KCNH7: variants seen among roughly 807,000 people sequenced by gnomAD.
The protein encoded by KCNH7 is potassium voltage-gated channel subfamily H member 7.
KCNH7 carries 49 observed loss-of-function variants against 120.8 expected under a neutral mutation model. That is an observed-to-expected ratio of 0.41 (90% CI 0.32 to 0.51). KCNH7 has a LOEUF of 0.51. KCNH7 is among the 20% of genes least tolerant of loss of function. The pLI, the probability that KCNH7 is intolerant of heterozygous loss-of-function variation, is 0.38. For synonymous variants in KCNH7, 547 were observed against 516.1 expected (o/e 1.06, Z -0.81); for missense variants, 1,097 against 1,446.6 (o/e 0.76, Z 3.92).
chr2:162,485,003 C>A (rs1690048828), intron 6 of KCNH7, among the ~76,000 whole-genome samples: 1 of 152,078 alleles, frequency 6.6e-6, no homozygotes, highest in Non-Finnish European at 1.5e-5. Flanking sequence ...TCCTTTAGAG[C>A]CACACGAAAC....
chr2:162,695,150 G>T (rs1574276095), intron 2 of KCNH7, among the ~76,000 whole-genome samples: 1 of 152,134 alleles, frequency 6.6e-6, no homozygotes, highest in East Asian at 1.9e-4. Flanking sequence ...ATTTTGCAGT[G>T]GTTTTTGGAT....
At chr2:162,603,731 CT>C (rs144717697) in intron 2 of KCNH7, among the ~76,000 whole-genome samples, 121 of 151,484 alleles carry the variant, frequency 8.0e-4, no homozygotes, top group African/African-American at 2.8e-3. Flanking sequence ...CTTTAAACTA[CT>C]TTTTTTTTCC....
At chr2:162,396,096 C>G (rs934237017) in intron 11 of KCNH7, among the ~76,000 whole-genome samples, 14 of 151,692 alleles carry the variant, frequency 9.2e-5, no homozygotes, top group Non-Finnish European at 2.1e-4. Flanking sequence ...CATAAGGGCA[C>G]ATTTTCACAG....
intron 2 of KCNH7, among the ~76,000 whole-genome samples, chr2:162,833,279 C>T (rs1685542310): frequency 9.3e-6 from 1 of 107,400 alleles, no homozygotes; most frequent in Admixed American, 9.4e-5. Context: ...TGGGGGCTAA[C>T]TAAAATATTT....
intron 2 of KCNH7, among the ~76,000 whole-genome samples, chr2:162,557,427 A>G (rs1002178593): frequency 7.2e-5 from 11 of 152,138 alleles, no homozygotes; most frequent in Non-Finnish European, 1.6e-4. Context: ...TCCATATTCT[A>G]TTGGTCAATG....
At chr2:162,788,995 A>G (rs900089885) in intron 2 of KCNH7, among the ~76,000 whole-genome samples, 2 of 150,524 alleles carry the variant, frequency 1.3e-5, no homozygotes, top group African/African-American at 4.9e-5. Flanking sequence ...GGTTAAAAAA[A>G]AAAAAAAAAA....
intron 2 of KCNH7, among the ~76,000 whole-genome samples, chr2:162,671,988 A>C (rs1018150815): frequency 1.3e-5 from 2 of 152,074 alleles, no homozygotes; most frequent in Non-Finnish European, 2.9e-5. Context: ...AATTTACTGA[A>C]GTATAACGAA....
chr2:162,406,758 CTT>C (rs1487001763), intron 9 of KCNH7, among the ~76,000 whole-genome samples: 1 of 151,900 alleles, frequency 6.6e-6, no homozygotes, highest in African/African-American at 2.4e-5. Flanking sequence ...TCTAAAAAAT[CTT>C]TAGCACTTGT....
At chr2:162,663,919 C>T (rs1685051593) in intron 2 of KCNH7, among the ~76,000 whole-genome samples, 1 of 152,132 alleles carries the variant, frequency 6.6e-6, no homozygotes, top group Non-Finnish European at 1.5e-5. Flanking sequence ...CTGCAGAAAC[C>T]ATGACAAATC....
intron 9 of KCNH7, among the ~76,000 whole-genome samples, chr2:162,419,885 A>G (rs1687649625): frequency 6.6e-6 from 1 of 152,160 alleles, no homozygotes; most frequent in Non-Finnish European, 1.5e-5. Context: ...GTAACCTCAG[A>G]AAGTTTCAGA....
At chr2:162,386,644 G>A (rs1197489741) in intron 12 of KCNH7, among the ~76,000 whole-genome samples, 2 of 151,800 alleles carry the variant, frequency 1.3e-5, no homozygotes, top group African/African-American at 4.8e-5. Flanking sequence ...TTTTCCAGCA[G>A]CATCAAATGC....
At position 162,777,551 on chromosome 2, in the gene KCNH7, C is replaced by A. The variant is rs540860863; in HGVS notation, c.307+58986G>T. 4.3e-4 allele frequency among the ~76,000 whole-genome samples: 66 copies of A among 152,184 alleles called. No individual in the cohort carries two copies. In the South Asian group the frequency reaches 0.014, roughly 32 times the overall value. ...AGAGTAAATATTGAAGTTGAGGAGA[C>A]GAATATATGTTGAGCATCTCCTATA... is the stretch of plus-strand genomic sequence containing the variant. On this transcript the variant is annotated intron_variant, in intron 2 of 15. Transcript: ENST00000332142.
intron 2 of KCNH7, among the ~76,000 whole-genome samples, chr2:162,588,613 GAC>G (rs1294625665): frequency 6.6e-6 from 1 of 151,916 alleles, no homozygotes; most frequent in African/African-American, 2.4e-5. Flanking sequence ...TATTTTTAAT[GAC>G]ACATAATTGT....
chr2:162,730,113 A>G (rs1687675335), intron 2 of KCNH7, among the ~76,000 whole-genome samples: 2 of 151,906 alleles, frequency 1.3e-5, no homozygotes, highest in Non-Finnish European at 2.9e-5. Context: ...ACATTATATT[A>G]GACATGGCCA....
intron 2 of KCNH7, among the ~76,000 whole-genome samples, chr2:162,730,665 A>G (rs1177017644): frequency 1.3e-5 from 2 of 152,036 alleles, no homozygotes; most frequent in East Asian, 1.9e-4. Flanking sequence ...GTTTTTACCA[A>G]TCTTACATAA....
chr2:162,779,838 T>C (rs1683408814), intron 2 of KCNH7, among the ~76,000 whole-genome samples: 1 of 152,184 alleles, frequency 6.6e-6, no homozygotes, highest in Non-Finnish European at 1.5e-5. Flanking sequence ...ATTATCTCAC[T>C]TTAATTAATC....
chr2:162,638,319 G>C (rs772728494), intron 2 of KCNH7, among the ~76,000 whole-genome samples: 2 of 151,978 alleles, frequency 1.3e-5, no homozygotes, highest in Non-Finnish European at 2.9e-5. Context: ...TTTTTATACT[G>C]ATTTTTTAAG....
intron 8 of KCNH7, among the ~76,000 whole-genome samples, chr2:162,425,150 A>G (rs1163052651): frequency 2.0e-5 from 3 of 152,118 alleles, no homozygotes; most frequent in African/African-American, 7.2e-5. Context: ...TCCGACTCAG[A>G]CTGAAAACAC....
intron 6 of KCNH7, among the ~76,000 whole-genome samples, chr2:162,450,286 T>C (rs1688724065): frequency 6.6e-6 from 1 of 152,082 alleles, no homozygotes; most frequent in African/African-American, 2.4e-5. Flanking sequence ...GTTCATGTGT[T>C]GTATTCCAAT....
Sources: allele counts gnomAD v4.1 joint callset (sites outside exome capture counted in the v4.1 genomes callset), GRCh38; gene constraint gnomAD v4.1.1; transcripts MANE v1.5; gene names NCBI Gene and HGNC (gene_info 2026-07-23, HGNC 2026-07-21).